The following MAN2A1 variants were observed in gnomAD, a reference collection of about 807,000 sequenced individuals.
MAN2A1 encodes the protein alpha-mannosidase 2.
Under a neutral mutation model 142.6 loss-of-function variants are expected in MAN2A1, and 76 were observed. That is an observed-to-expected ratio of 0.53 (90% confidence interval 0.44 to 0.65). The LOEUF (loss-of-function observed/expected upper bound fraction) is 0.65. Ranked by LOEUF, MAN2A1 falls within the 30% of genes least tolerant of loss-of-function variation. The pLI, the probability that MAN2A1 is intolerant of heterozygous loss-of-function variation, is 0.00. For missense variants in MAN2A1, 1,311 were observed against 1,365.1 expected, an observed-to-expected ratio of 0.96 and a Z score of 0.62; for synonymous variants, 559 against 473.2, an observed-to-expected ratio of 1.18 and a Z score of -2.35.
chr5:109,732,649 G>A (rs1027707609), intron 4 of MAN2A1, among the ~76,000 whole-genome samples: 11 of 152,062 alleles, frequency 7.2e-5, no homozygotes, highest in African/African-American at 2.7e-4. Context: ...TTTTTCTCAG[G>A]TTTGTCAAAG....
In MAN2A1 at chr5:109,729,504, C is replaced by A. The variant is rs2112583870; in HGVS notation, c.698C>A (p.Ala233Asp). 6.6e-7 allele frequency: 1 copy of A among 1,521,626 alleles called. No individual in the cohort carries two copies. The highest frequency in any genetic ancestry group is 2.2e-5 in the Admixed American group (1 of 45,522). 94.3% of individuals were successfully genotyped at this position (1,521,626 alleles called of 1,614,324 possible). Reference protein sequence around the residue: ...WDIIDIQKKDAVKSLIENGQL... With the variant: ...WDIIDIQKKDDVKSLIENGQL... ...ATTATAGATATTCAGAAGAAGGATG[C>A]TGTTAAAAGGTTTGTTTTAAAACTT... The change falls in exon 4 of 22, where the codon GCT becomes GAT. Residue 233 changes from alanine (A) to aspartate (D), a missense_variant. Physicochemically the swap from Ala to Asp is moderately radical, Grantham distance 126. This residue lies in a region of MAN2A1 where 409 missense variants were observed against 412.7 expected (regional missense o/e 0.99). Coordinates refer to ENST00000261483, the MANE Select transcript of MAN2A1 (RefSeq NM_002372.4).
At chr5:109,818,056 C>T (rs533826935) in intron 13 of MAN2A1, among the ~76,000 whole-genome samples, 1 of 152,258 alleles carries the variant, frequency 6.6e-6, no homozygotes, top group East Asian at 1.9e-4. Flanking sequence ...GTCATTTAAA[C>T]GGCATTTCTG....
intron 6 of MAN2A1, among the ~76,000 whole-genome samples, chr5:109,768,898 T>C (rs890732611): frequency 6.6e-6 from 1 of 152,190 alleles, no homozygotes; most frequent in Non-Finnish European, 1.5e-5. Flanking sequence ...TATCAGTTAG[T>C]ATGAAATTAT....
Position 109,716,265 on chromosome 5 carries a change from G to A in MAN2A1, c.535+1G>A. ...GTGCCTCATTCCCATAACGACCCAG[G>A]TAAAATTTGCACTTCAAAAAGACAG... On this transcript the variant is annotated splice_donor_variant, in intron 3 of 21. Coordinates refer to ENST00000261483, the MANE Select transcript of MAN2A1 (RefSeq NM_002372.4). LOFTEE classifies it high-confidence loss of function. The A allele has an allele frequency of 6.3e-7, 1 of 1,596,714 alleles. No homozygotes were observed.
At position 109,790,770 on chromosome 5, in the gene MAN2A1, G is replaced by A. The variant is rs866681940; in HGVS notation, c.1943+1243G>A. The stretch of plus-strand genomic sequence containing the variant: ...TCTTTCTTTTTATATTTTGGTGGAG[G>A]AAGATCTTTGTTTTTGCTGGTTATA... On this transcript the variant is annotated intron_variant, in intron 12 of 21. Transcript: ENST00000261483. Among the ~76,000 whole-genome samples the A allele has an allele frequency of 8.6e-5, 13 of 152,022 alleles. No individual in the cohort carries two copies. In the Middle Eastern group the frequency reaches 0.01, roughly 119 times the overall value.
intron 5 of MAN2A1, among the ~76,000 whole-genome samples, chr5:109,759,004 A>T (rs1478594623): frequency 1.3e-5 from 2 of 152,038 alleles, no homozygotes; most frequent in Non-Finnish European, 2.9e-5. Flanking sequence ...TATAAGCTTG[A>T]CATTGGGAAG....
chr5:109,822,977 C>T (rs764666745), intron 15 of MAN2A1, among the ~76,000 whole-genome samples: 5 of 152,222 alleles, frequency 3.3e-5, no homozygotes, highest in East Asian at 3.9e-4. Context: ...GGCGCCTGGC[C>T]GAAAATCTTA....
intron 1 of MAN2A1, among the ~76,000 whole-genome samples, chr5:109,698,084 C>G (rs2112540322): frequency 6.6e-6 from 1 of 152,316 alleles, no homozygotes. Context: ...GACTGAAAAC[C>G]ATGACTTTAT....
intron 12 of MAN2A1, among the ~76,000 whole-genome samples, chr5:109,804,467 G>A (rs1479777211): frequency 6.6e-6 from 1 of 152,044 alleles, no homozygotes. Flanking sequence ...AAATATTACA[G>A]GTAGTTGGTT....
chr5:109,785,654 G>A (rs1301178798), intron 10 of MAN2A1, among the ~76,000 whole-genome samples: 1 of 152,062 alleles, frequency 6.6e-6, no homozygotes, highest in Non-Finnish European at 1.5e-5. Context: ...CTTACCTTTT[G>A]TAGTAGGGAG....
At position 109,845,888 on chromosome 5, in the gene MAN2A1, C is replaced by A. The variant is rs1487433427; in HGVS notation, c.2724C>A (p.Ser908Arg). Residue 908 changes from serine to arginine, a missense_variant, in exon 18 of 22, where the codon AGC becomes AGA. This residue lies in a region of MAN2A1 where 890 missense variants were observed against 920.5 expected (regional missense o/e 0.97). Coordinates refer to ENST00000261483, the MANE Select transcript of MAN2A1 (RefSeq NM_002372.4). ...AGATTCAACCTAGAATGACACTGAG[C>A]AAATTGCCTCTTCAAGCAAATGTCT... ...GYQIQPRMTL[S>R]KLPLQANVYP... is the part of the protein sequence containing the mutation. 5 of 1,613,204 alleles carry A rather than the reference C, an allele frequency of 3.1e-6. No individual in the cohort carries two copies. Among genetic ancestry groups the A allele is most frequent in the East Asian group, 4.5e-5 (2 of 44,830 alleles).
In MAN2A1 at chr5:109,716,406, G is replaced by C. The variant is rs571451926; in HGVS notation, c.535+142G>C. On this transcript the variant is annotated intron_variant, in intron 3 of 21. Transcript: ENST00000261483. ...TTTAACATTAATATATTCCTTTTAT[G>C]TGTCATTATGTTTTAGTGTTCTCAT... 4 of 606,346 alleles carry C rather than the reference G, an allele frequency of 6.6e-6. No individual in the cohort carries two copies. In the African/African-American group the frequency reaches 7.4e-5, roughly 11 times the overall value. The allele number at this position is 606,346 out of a possible 1,614,324, so 37.6% of individuals were successfully genotyped here.
At chr5:109,776,533 G>GA (rs1210502574) in intron 8 of MAN2A1, among the ~76,000 whole-genome samples, 12 of 152,002 alleles carry the variant, frequency 7.9e-5, no homozygotes, top group African/African-American at 2.2e-4. Flanking sequence ...CTGTCTGACT[G>GA]AAAAAATTAG....
chr5:109,716,958 G>T (rs2269201), intron 3 of MAN2A1, among the ~76,000 whole-genome samples: 26,401 of 146,610 alleles, frequency 0.18, 3,242 homozygotes, highest in East Asian at 0.66. Flanking sequence ...CCCTGACCCC[G>T]CCCTGCCAAG....
At chr5:109,766,562 G>A (rs1402323832) in intron 5 of MAN2A1, among the ~76,000 whole-genome samples, 1 of 151,710 alleles carries the variant, frequency 6.6e-6, no homozygotes, top group African/African-American at 2.4e-5. Context: ...TTGTTGTCTT[G>A]TGTGTTACTT....
chr5:109,823,351 G>A (rs1487160033), intron 15 of MAN2A1, among the ~76,000 whole-genome samples: 1 of 152,114 alleles, frequency 6.6e-6, no homozygotes, highest in Non-Finnish European at 1.5e-5. Flanking sequence ...ACATTAGGGG[G>A]CTGGGACCAT....
chr5:109,861,663 A>G (rs1013473530), intron 20 of MAN2A1, among the ~76,000 whole-genome samples: 1 of 152,218 alleles, frequency 6.6e-6, no homozygotes, highest in African/African-American at 2.4e-5. Context: ...TATGATAGAT[A>G]ACTGTCAAGG....
chr5:109,755,165 G>T (rs1456740448), intron 4 of MAN2A1, among the ~76,000 whole-genome samples, 164 bp from the exon 5 acceptor site: 1 of 152,178 alleles, frequency 6.6e-6, no homozygotes, highest in Non-Finnish European at 1.5e-5. Context: ...CTATCATGAG[G>T]TCTTGAAGTT....
At chr5:109,788,536 TCTCATGTTTTTA>T (rs1561512481) in intron 10 of MAN2A1, among the ~76,000 whole-genome samples, 1 of 151,904 alleles carries the variant, frequency 6.6e-6, no homozygotes, top group African/African-American at 2.4e-5. Flanking sequence ...AGCTGAATTA[TCTCATGTTTTTA>T]TTCATTGTTA....
Sources: gnomAD v4.1 joint callset for allele counts (sites outside exome capture counted in the v4.1 genomes callset) on GRCh38, gnomAD v4.1.1 for gene constraint, gnomAD v4.1.1 regional missense constraint, MANE v1.5 for transcripts, NCBI Gene and HGNC (gene_info 2026-07-23, HGNC 2026-07-21) for gene names.